Variants in ZMYND8 observed in about 807,000 individuals in gnomAD.
ZMYND8 encodes the protein MYND-type zinc finger-containing chromatin reader ZMYND8.
ZMYND8 carries 37 observed loss-of-function variants against 140.8 expected under a neutral mutation model. The ratio of observed to expected loss-of-function variants is 0.26; its 90% CI spans 0.20 to 0.35. The LOEUF is 0.35. ZMYND8 is among the 10% of genes least tolerant of loss of function. The pLI is 1.00. For missense variants in ZMYND8, 1,068 were observed against 1,570.0 expected (o/e 0.68, Z 5.40); for synonymous variants, 592 against 597.1 (o/e 0.99, Z 0.12).
At chr20:47,309,710 A>G (rs112223218) in intron 3 of ZMYND8, among the ~76,000 whole-genome samples, 3 of 152,116 alleles carry the variant, frequency 2.0e-5, no homozygotes, top group African/African-American at 7.2e-5. Context: ...TCCTGTGGGC[A>G]TGGCCCAGGA....
In ZMYND8 at chr20:47,210,662, GTCTGAAAGTGGCTGT is replaced by G; in HGVS notation, c.*84_*98del. 1 of 1,597,580 alleles carries G rather than the reference GTCTGAAAGTGGCTGT, an allele frequency of 6.3e-7. No homozygotes were observed. The highest frequency in any genetic ancestry group is 8.6e-7 in the Non-Finnish European group (1 of 1,166,722). On this transcript the variant is annotated 3_prime_UTR_variant, in exon 23 of 23. Coordinates refer to ENST00000471951, the MANE Select transcript of ZMYND8 (RefSeq NM_001281775.3). ...CAACTGAGGGTTTTGTCATTTTCAA[GTCTGAAAGTGGCTGT>G]TCTCCTGCCTTTGTTGTTTCTTCTT... is the stretch of plus-strand genomic sequence containing the variant.
intron 16 of ZMYND8, among the ~76,000 whole-genome samples, chr20:47,232,108 C>A (rs949893988): frequency 1.2e-4 from 19 of 152,122 alleles, no homozygotes; most frequent in Non-Finnish European, 2.4e-4. Context: ...CAGTGGCTCA[C>A]GCCTATAATC....
chr20:47,296,368 C>T (rs908047885), intron 4 of ZMYND8, among the ~76,000 whole-genome samples: 2 of 152,204 alleles, frequency 1.3e-5, no homozygotes, highest in African/African-American at 4.8e-5. Context: ...GCAATACTGA[C>T]CAATGAGCCC....
chr20:47,311,184 A>T (rs1298581643), intron 2 of ZMYND8, among the ~76,000 whole-genome samples: 1 of 152,114 alleles, frequency 6.6e-6, no homozygotes, highest in Admixed American at 6.6e-5. Flanking sequence ...CCGTGCTCCC[A>T]CCGCCTCTGG....
At chr20:47,316,107 C>G (rs917887176) in intron 2 of ZMYND8, among the ~76,000 whole-genome samples, 3 of 152,002 alleles carry the variant, frequency 2.0e-5, no homozygotes, top group Non-Finnish European at 4.4e-5. Context: ...CCAAGGTGGG[C>G]AGATCACAAG....
At chr20:47,241,781 T>G (rs1299535736) in intron 14 of ZMYND8, among the ~76,000 whole-genome samples, 2 of 151,400 alleles carry the variant, frequency 1.3e-5, no homozygotes, top group Non-Finnish European at 2.9e-5. Flanking sequence ...GACATCAAAC[T>G]CCTTTAAATA....
At chr20:47,346,012 G>C (rs2082308019) in intron 2 of ZMYND8, among the ~76,000 whole-genome samples, 1 of 152,134 alleles carries the variant, frequency 6.6e-6, no homozygotes, top group Non-Finnish European at 1.5e-5. Context: ...GATGGGAGTA[G>C]GAGAAAAGAG....
chr20:47,338,678 G>A (rs2081582911), intron 2 of ZMYND8, among the ~76,000 whole-genome samples: 1 of 152,190 alleles, frequency 6.6e-6, no homozygotes, highest in South Asian at 2.1e-4. Context: ...CTCACTATGG[G>A]GCACGAGAGC....
At chr20:47,291,377 A>G (rs2077253589) in intron 6 of ZMYND8, among the ~76,000 whole-genome samples, 1 of 152,216 alleles carries the variant, frequency 6.6e-6, no homozygotes, top group African/African-American at 2.4e-5. Flanking sequence ...CAGTAGAGTA[A>G]GTCAAATTCT....
At chr20:47,282,477 C>T (rs1470527420) in intron 9 of ZMYND8, among the ~76,000 whole-genome samples, 1 of 152,074 alleles carries the variant, frequency 6.6e-6, no homozygotes, top group East Asian at 1.9e-4. Context: ...GTAATCCCAG[C>T]ACTTTGGAAA....
chr20:47,235,716 A>AT (rs2057842535), intron 16 of ZMYND8, among the ~76,000 whole-genome samples: 1 of 151,948 alleles, frequency 6.6e-6, no homozygotes, highest in African/African-American at 2.4e-5. Context: ...CAAAAAAAAA[A>AT]AAAAGCACTT....
At position 47,221,046 on chromosome 20, in the gene ZMYND8, AG is replaced by A. The variant is rs560325574; in HGVS notation, c.3417+267del. Among the ~76,000 whole-genome samples, 36 of 152,340 alleles carry A rather than the reference AG, an allele frequency of 2.4e-4. No individual in the cohort carries two copies. In the East Asian group the frequency reaches 7.0e-3, roughly 29 times the overall value. On this transcript the variant is annotated intron_variant, in intron 20 of 22. Coordinates refer to ENST00000471951, the MANE Select transcript of ZMYND8 (RefSeq NM_001281775.3). The stretch of plus-strand genomic sequence containing the variant: ...AGCTACCATTCTGGACGGGAAGTAC[AG>A]AACATTTCCATCATCGCAGAAAGTT...
chr20:47,335,771 C>T (rs1042513886), intron 2 of ZMYND8, among the ~76,000 whole-genome samples: 4 of 152,100 alleles, frequency 2.6e-5, no homozygotes, highest in Non-Finnish European at 4.4e-5. Context: ...CAGACACTGC[C>T]GACAGGATTC....
chr20:47,312,277 A>G (rs1013873882), intron 2 of ZMYND8, among the ~76,000 whole-genome samples: 1 of 152,214 alleles, frequency 6.6e-6, no homozygotes, highest in Non-Finnish European at 1.5e-5. Flanking sequence ...ATGAAAAGGC[A>G]AAGTATCTTC....
rs375299636 is a variant in ZMYND8, at chr20:47,344,987, GT to G, written c.85+2868del. On this transcript the variant is annotated intron_variant, in intron 2 of 22. Coordinates refer to ENST00000471951, the MANE Select transcript of ZMYND8 (RefSeq NM_001281775.3). The stretch of plus-strand genomic sequence containing the variant: ...TTTTTAATTAGCCAGGTGAGGTGGT[GT>G]GCACCTGTAGTCCCAGCTACTCAGG... 7.0e-3 allele frequency among the ~76,000 whole-genome samples: 1,063 copies of G among 152,092 alleles called. 8 individuals carry two copies. Among genetic ancestry groups the G allele is most frequent in the African/African-American group, 0.024 (976 of 41,482 alleles).
intron 5 of ZMYND8, among the ~76,000 whole-genome samples, chr20:47,293,148 AAGGGAGGGAGGGAGGGAGGG>A (rs768627350): frequency 1.4e-4 from 12 of 83,318 alleles, no homozygotes; most frequent in African/African-American, 6.5e-4. Flanking sequence ...GGAAGGAAGG[AAGGGAGGGAGGGAGGGAGGG>A]AGGGAGGGAG....
intron 11 of ZMYND8, among the ~76,000 whole-genome samples, chr20:47,267,503 G>T (rs930305636): frequency 7.1e-6 from 1 of 141,064 alleles, no homozygotes; most frequent in East Asian, 2.4e-4. Flanking sequence ...GGGCGGGGGG[G>T]GGGCAATTAA....
intron 19 of ZMYND8, 61 bp from the exon 20 acceptor site, chr20:47,221,535 T>A: frequency 1.3e-6 from 2 of 1,565,790 alleles, no homozygotes; most frequent in Middle Eastern, 1.8e-4. Flanking sequence ...TTTTGAAACA[T>A]GCATGGAGCC....
In ZMYND8 at chr20:47,274,494, G is replaced by A. The variant is rs370607702; in HGVS notation, c.1480+1820C>T. 1.4e-4 allele frequency among the ~76,000 whole-genome samples: 22 copies of A among 152,268 alleles called. No individual in the cohort carries two copies. The East Asian group carries it at 2.3e-3, about 16-fold the overall frequency. ...TGCTCTTTATGGGAATTAATGTGCC[G>A]AAGGATTGTGTAATTAAGTACCATG... On this transcript the variant is annotated intron_variant, in intron 11 of 22. Coordinates refer to ENST00000471951, the MANE Select transcript of ZMYND8 (RefSeq NM_001281775.3).
Sources: gnomAD v4.1 joint callset for allele counts (sites outside exome capture counted in the v4.1 genomes callset) on GRCh38, gnomAD v4.1.1 for gene constraint, MANE v1.5 for transcripts, NCBI Gene and HGNC (gene_info 2026-07-23, HGNC 2026-07-21) for gene names.